Variants in TTC29 observed in about 807,000 individuals in gnomAD.
The protein encoded by TTC29 is tetratricopeptide repeat domain 29.
Under a neutral mutation model 58.1 loss-of-function variants are expected in TTC29, and 49 were observed. That is an observed-to-expected ratio of 0.84 (90% CI 0.67 to 1.07). TTC29 has a LOEUF of 1.07. Among genes scored for constraint, TTC29 ranks in the 50% least tolerant of loss-of-function variants. TTC29 has a pLI of 0.00. For synonymous variants in TTC29, 209 were observed against 196.8 expected, an observed-to-expected ratio of 1.06 and a Z score of -0.52; for missense variants, 582 against 555.6, an observed-to-expected ratio of 1.05 and a Z score of -0.48.
At chr4:146,710,023 T>C (rs979945868) in intron 11 of TTC29, among the ~76,000 whole-genome samples, 2 of 152,174 alleles carry the variant, frequency 1.3e-5, no homozygotes, top group African/African-American at 4.8e-5. Context: ...CTATTAGATC[T>C]TCCCTATCAG....
chr4:146,717,028 T>A (rs569615852), intron 11 of TTC29, among the ~76,000 whole-genome samples: 4 of 152,280 alleles, frequency 2.6e-5, no homozygotes, highest in Admixed American at 2.0e-4. Flanking sequence ...ACACAGAATC[T>A]GCCTTTTAAC....
At chr4:146,756,949 T>A (rs1332605594) in intron 11 of TTC29, among the ~76,000 whole-genome samples, 1 of 152,146 alleles carries the variant, frequency 6.6e-6, no homozygotes. Flanking sequence ...TATTATTTTT[T>A]GGATTTCCTT....
At chr4:146,801,056 G>T (rs1750181457) in intron 11 of TTC29, among the ~76,000 whole-genome samples, 1 of 152,182 alleles carries the variant, frequency 6.6e-6, no homozygotes, top group South Asian at 2.1e-4. Context: ...GAAAGTAGGT[G>T]ATAATAAACC....
rs1731143873 is a variant in TTC29, at chr4:146,874,763, T to C, written c.752A>G (p.Lys251Arg). Residue 251 changes from lysine to arginine, a missense_variant, in exon 7 of 13, where the codon AAA becomes AGA. Physicochemically the swap from Lys to Arg is conservative, Grantham distance 26. Coordinates refer to ENST00000325106, the MANE Select transcript of TTC29 (RefSeq NM_031956.4). ...TTTTATTAGAATTTTGATGGCCTGTTTGTATTCTTTATTTTCTAGCATTTT... is the reference window on the plus strand; with the variant it reads ...TTTTATTAGAATTTTGATGGCCTGTCTGTATTCTTTATTTTCTAGCATTTT... ...SDKMLENKEYKQAIKILIKAS... is the reference protein window; with the variant it reads ...SDKMLENKEYRQAIKILIKAS... 6.2e-7 allele frequency: 1 copy of C among 1,609,256 alleles called. No individual in the cohort carries two copies. Among genetic ancestry groups the C allele is most frequent in the African/African-American group, 1.3e-5 (1 of 74,842 alleles).
intron 11 of TTC29, among the ~76,000 whole-genome samples, chr4:146,714,457 T>C (rs1373110046): frequency 1.3e-5 from 2 of 151,972 alleles, no homozygotes; most frequent in Non-Finnish European, 2.9e-5. Flanking sequence ...ACTGGCATTA[T>C]AAAAAGGAGA....
intron 6 of TTC29, among the ~76,000 whole-genome samples, chr4:146,892,636 C>G (rs1732457241): frequency 6.6e-6 from 1 of 152,176 alleles, no homozygotes; most frequent in Non-Finnish European, 1.5e-5. Flanking sequence ...GATAGGGATG[C>G]CCTCTCTCAC....
intron 4 of TTC29, among the ~76,000 whole-genome samples, chr4:146,913,309 T>G (rs963886044): frequency 6.6e-6 from 1 of 152,098 alleles, no homozygotes; most frequent in Non-Finnish European, 1.5e-5. Context: ...GCTGTCTCAG[T>G]TCTAATCACA....
chr4:146,728,304 A>G (rs1743940053), intron 11 of TTC29, among the ~76,000 whole-genome samples: 2 of 151,966 alleles, frequency 1.3e-5, no homozygotes, highest in East Asian at 1.9e-4. Context: ...GAAAAAAAAA[A>G]AAAGATTCCA....
At chr4:146,905,567 C>A (rs907799024) in intron 5 of TTC29, among the ~76,000 whole-genome samples, 4 of 151,900 alleles carry the variant, frequency 2.6e-5, no homozygotes, top group Non-Finnish European at 5.9e-5. Context: ...AGTTTCAAAT[C>A]TTTGGGCAAT....
At chr4:146,711,170 G>A (rs1742465269) in intron 11 of TTC29, among the ~76,000 whole-genome samples, 1 of 152,008 alleles carries the variant, frequency 6.6e-6, no homozygotes, top group South Asian at 2.1e-4. Context: ...CCCTGGTAAT[G>A]GATTCAACCT....
chr4:146,905,646 C>T (rs1733473975), intron 5 of TTC29, among the ~76,000 whole-genome samples: 1 of 152,004 alleles, frequency 6.6e-6, no homozygotes, highest in South Asian at 2.1e-4. Flanking sequence ...TAGACCACTT[C>T]CTTGAATTGA....
intron 2 of TTC29, among the ~76,000 whole-genome samples, chr4:146,942,297 CTA>C (rs1187434489): frequency 6.6e-6 from 1 of 152,194 alleles, no homozygotes; most frequent in East Asian, 1.9e-4. Context: ...TTTAAAGGGT[CTA>C]TGCTTTAAAG....
chr4:146,896,428 C>A (rs947769338), intron 6 of TTC29, among the ~76,000 whole-genome samples: 4 of 152,138 alleles, frequency 2.6e-5, no homozygotes, highest in Admixed American at 6.5e-5. Context: ...TAGTCCAATG[C>A]AGGTGATCTG....
intron 6 of TTC29, among the ~76,000 whole-genome samples, chr4:146,882,409 A>T (rs1408795327): frequency 6.6e-6 from 1 of 152,168 alleles, no homozygotes; most frequent in African/African-American, 2.4e-5. Context: ...TAAGGAATTT[A>T]TATTAGCCAT....
intron 9 of TTC29, among the ~76,000 whole-genome samples, chr4:146,832,684 G>A (rs1247485927): frequency 6.7e-6 from 1 of 149,242 alleles, no homozygotes; most frequent in East Asian, 2.0e-4. Context: ...TAGAGAGGGG[G>A]CTTCACCATG....
chr4:146,936,696 A>C (rs1303812952), intron 4 of TTC29, among the ~76,000 whole-genome samples: 1 of 152,112 alleles, frequency 6.6e-6, no homozygotes, highest in Non-Finnish European at 1.5e-5. Context: ...TGACAAAGAT[A>C]ATATCTGATA....
rs1730078934 is a variant in TTC29 at position 146,859,387 on chromosome 4, T to C, written c.885+8111A>G. ...TTCCCCTCTTGTTTATTATTTTTTA[T>C]TTACATTTTTTTCTTCTGACATACA... On this transcript the variant is annotated intron_variant, in intron 8 of 12. Transcript: ENST00000325106. 3.9e-5 allele frequency among the ~76,000 whole-genome samples: 6 copies of C among 152,236 alleles called. No homozygotes were observed. The South Asian group carries it at 1.0e-3, about 26-fold the overall frequency.
chr4:146,889,584 A>G lies in TTC29; in HGVS notation c.586+13960T>C, dbSNP rs1026051252. Among the ~76,000 whole-genome samples the G allele has an allele frequency of 2.6e-4, 39 of 152,250 alleles. No individual in the cohort carries two copies. In the East Asian group the frequency reaches 4.4e-3, roughly 17 times the overall value. ...TTTTAATAAAATGAAAGAGAAAATA[A>G]AATACCACACTAAAAACTGATATGT... On this transcript the variant is annotated intron_variant, in intron 6 of 12. Coordinates refer to ENST00000325106, the MANE Select transcript of TTC29 (RefSeq NM_031956.4).
chr4:146,805,254 G>A (rs1022489594), intron 10 of TTC29, among the ~76,000 whole-genome samples: 7 of 152,056 alleles, frequency 4.6e-5, no homozygotes, highest in African/African-American at 1.7e-4. Context: ...AAGACCAAAG[G>A]TAGATAAATC....
Sources: allele counts gnomAD v4.1 joint callset (sites outside exome capture counted in the v4.1 genomes callset), GRCh38; gene constraint gnomAD v4.1.1; transcripts MANE v1.5; gene names NCBI Gene and HGNC (gene_info 2026-07-23, HGNC 2026-07-21).